Variants in TRIM45 observed in about 807,000 individuals in gnomAD.
The protein encoded by TRIM45 is tripartite motif containing 45.
In TRIM45, 45 loss-of-function variants were observed where a neutral mutation model predicts 46.7. That is an observed-to-expected ratio of 0.96 (90% CI 0.76 to 1.24). The LOEUF (loss-of-function observed/expected upper bound fraction) is 1.24. Ranked by LOEUF, TRIM45 falls within the 50% of genes most tolerant of loss-of-function variation. TRIM45 has a pLI of 0.00. For missense variants in TRIM45, 680 were observed against 728.4 expected, an observed-to-expected ratio of 0.93 and a Z score of 0.77; for synonymous variants, 259 against 285.8, an observed-to-expected ratio of 0.91 and a Z score of 0.94.
upstream of TRIM45, among the ~76,000 whole-genome samples, chr1:117,122,785 T>G (rs1381228906): frequency 1.3e-5 from 2 of 152,170 alleles, no homozygotes; most frequent in African/African-American, 4.8e-5. Flanking sequence ...TTACCAGGCG[T>G]CTCCTGATTC....
Position 117,118,740 on chromosome 1 carries a change from G to A in TRIM45, c.516C>T (p.Thr172=), listed in dbSNP as rs1650510373. ...HRRQKKTTYH[T]MVDLKDLKGY... is the part of the protein sequence containing the mutation. The stretch of plus-strand genomic sequence containing the variant: ...CTTTCAAGTCTTTTAGGTCCACCAT[G>A]GTGTGGTAAGTCGTTTTCTTCTGCC... The change falls in exon 2 of 6, where the codon ACC becomes ACT. Residue 172 remains threonine, a synonymous_variant. Coordinates refer to ENST00000256649, the MANE Select transcript of TRIM45 (RefSeq NM_025188.4). This position sits in a 1 kb window ranked among gnomAD's most constrained non-coding sequence, Gnocchi z 5.7. 5 of 1,613,108 alleles carry A rather than the reference G, an allele frequency of 3.1e-6. No homozygotes were observed. The highest frequency in any genetic ancestry group is 1.3e-5 in the African/African-American group (1 of 75,060).
At chr1:117,119,331 C>T (rs1039437892) in intron 1 of TRIM45, among the ~76,000 whole-genome samples, 1 of 152,146 alleles carries the variant, frequency 6.6e-6, no homozygotes, top group African/African-American at 2.4e-5. Context: ...ACCGGCCGGG[C>T]GCGGTGGCTC....
chr1:117,115,563 C>A lies in TRIM45; in HGVS notation c.1467+12G>T. ...TCCAGGGAGCTCAGGGAAGCACGTGCACCAGTCTTACCTGCACATGCTGTT... is the reference window on the plus strand; with the variant it reads ...TCCAGGGAGCTCAGGGAAGCACGTGAACCAGTCTTACCTGCACATGCTGTT... On this transcript the variant is annotated intron_variant, in intron 4 of 5. Coordinates refer to ENST00000256649, the MANE Select transcript of TRIM45 (RefSeq NM_025188.4). This position sits in a 1 kb window ranked among gnomAD's most constrained non-coding sequence, Gnocchi z 4.2. The A allele has an allele frequency of 6.3e-7, 1 of 1,599,572 alleles. No individual in the cohort carries two copies. Among genetic ancestry groups the A allele is most frequent in the Non-Finnish European group, 8.6e-7 (1 of 1,166,774 alleles).
intron 5 of TRIM45, 63 bp from the exon 6 acceptor site, chr1:117,112,516 T>C (rs1460239660): frequency 6.9e-7 from 1 of 1,453,890 alleles, no homozygotes; most frequent in Non-Finnish European, 9.2e-7. Context: ...GCAGTTACCA[T>C]TATCATGGAA....
intron 5 of TRIM45, among the ~76,000 whole-genome samples, chr1:117,112,952 G>A (rs899781996): frequency 6.6e-6 from 1 of 151,926 alleles, no homozygotes; most frequent in South Asian, 2.1e-4. Flanking sequence ...TCTGTCCCCC[G>A]AAAGACCCAG....
In TRIM45 at chr1:117,121,718, C is replaced by T; in HGVS notation, c.-517G>A. 1.7e-6 allele frequency: 1 copy of T among 586,140 alleles called. No individual in the cohort carries two copies. The highest frequency in any genetic ancestry group is 3.1e-6 in the Non-Finnish European group (1 of 325,396). 36.3% of individuals were successfully genotyped at this position (586,140 alleles called of 1,614,324 possible). A position where few individuals can be genotyped will look rare whatever the true frequency, so the allele number is the denominator to read the frequency against. On this transcript the variant is annotated 5_prime_UTR_variant, in exon 1 of 6. Transcript: ENST00000256649. This position sits in a 1 kb window ranked among gnomAD's most constrained non-coding sequence, Gnocchi z 4.2. ...TTCTCGGTGTCCACCGCCTCTCCCG[C>T]GCCTCGGCCCGGGACGCCCGCGGGC...
In TRIM45 at chr1:117,113,567, GTC is replaced by G; in HGVS notation, c.1468-84_1468-83del. On this transcript the variant is annotated intron_variant, in intron 4 of 5. Coordinates refer to ENST00000256649, the MANE Select transcript of TRIM45 (RefSeq NM_025188.4). The surrounding 1 kb of genome is among the most constrained non-coding windows in gnomAD (Gnocchi z 4.0). ...TGCGCATCACTATGTGCTAAACAGA[GTC>G]TGAGGCACAGGGCCTGTCCTTGGAT... 6.6e-7 allele frequency: 1 copy of G among 1,524,304 alleles called. No homozygotes were observed. The highest frequency in any genetic ancestry group is 8.9e-7 in the Non-Finnish European group (1 of 1,129,022). The allele number at this position is 1,524,304 out of a possible 1,614,324, so 94.4% of individuals were successfully genotyped here.
At chr1:117,120,084 C>G (rs945334257) in intron 1 of TRIM45, among the ~76,000 whole-genome samples, 2 of 152,174 alleles carry the variant, frequency 1.3e-5, no homozygotes, top group African/African-American at 4.8e-5. Context: ...AACACATAGT[C>G]TGCACCCCAA....
At chr1:117,121,814 G>A (rs890531192), upstream of TRIM45, 19 of 709,794 alleles carry the variant, frequency 2.7e-5, no homozygotes, top group African/African-American at 1.9e-4. This position sits in a 1 kb window ranked among gnomAD's most constrained non-coding sequence, Gnocchi z 4.2. Flanking sequence ...GAGAGCGGCG[G>A]CCCTCGCCGC....
In TRIM45 at chr1:117,112,423, TTG is replaced by T; in HGVS notation, c.1623_1624del (p.His541GlnfsTer16). 4 of 1,613,766 alleles carry T rather than the reference TTG, an allele frequency of 2.5e-6. No individual in the cohort carries two copies. Among genetic ancestry groups the T allele is most frequent in the Non-Finnish European group, 3.4e-6 (4 of 1,179,830 alleles). Reference sequence around the variant, plus strand: ...CCAGTGGGGATGACCTGGGTGGCCTTTGTGTCCATGGCCACAGCCTAGGTACC... The same window carrying T: ...CCAGTGGGGATGACCTGGGTGGCCTTTGTCCATGGCCACAGCCTAGGTACC... On this transcript the variant is annotated frameshift_variant, in exon 6 of 6. Transcript: ENST00000256649. LOFTEE classifies it high-confidence loss of function.
Position 117,118,886 on chromosome 1 carries a change from G to T in TRIM45, c.489-119C>A. ...TAAACAAACCTGATTTCAATTCCTT[G>T]CTCTAATCTCTAATTGCATGAACCT... is the stretch of plus-strand genomic sequence containing the variant. On this transcript the variant is annotated intron_variant, in intron 1 of 5. Coordinates refer to ENST00000256649, the MANE Select transcript of TRIM45 (RefSeq NM_025188.4). This position sits in a 1 kb window ranked among gnomAD's most constrained non-coding sequence, Gnocchi z 5.7. The T allele has an allele frequency of 7.6e-7, 1 of 1,315,908 alleles. No homozygotes were observed. Among genetic ancestry groups the T allele is most frequent in the Non-Finnish European group, 1.0e-6 (1 of 962,198 alleles). The allele number at this position is 1,315,908 out of a possible 1,614,324, so 81.5% of individuals were successfully genotyped here.
Position 117,116,762 on chromosome 1 carries a change from C to T in TRIM45, c.1223-17G>A. On this transcript the variant is annotated splice_polypyrimidine_tract_variant and intron_variant, in intron 2 of 5. Transcript: ENST00000256649. This position sits in a 1 kb window ranked among gnomAD's most constrained non-coding sequence, Gnocchi z 4.6. ...TGTGGAGGTCTGAAAAAGATAAACA[C>T]TCGGTCCTCACCTCGAATGTAAACT... is the stretch of plus-strand genomic sequence containing the variant. The T allele has an allele frequency of 6.2e-7, 1 of 1,613,916 alleles. No individual in the cohort carries two copies.
In TRIM45 at chr1:117,120,730, A is replaced by G. The variant is rs778699836; in HGVS notation, c.472T>C (p.Cys158Arg). Residue 158 changes from cysteine (C) to arginine (R), a missense_variant, in exon 1 of 6, where the codon TGC becomes CGC. This residue lies in a region of TRIM45 where 349 missense variants were observed against 343.6 expected (regional missense o/e 1.02). Coordinates refer to ENST00000256649, the MANE Select transcript of TRIM45 (RefSeq NM_025188.4). The stretch of plus-strand genomic sequence containing the variant: ...CATCTTTACCTATGAGCCTGGCAGC[A>G]GAAGTGGCAGAGGTTGGCTTTGCAG... ...QTCKANLCHF[C>R]CQAHRRQKKT... The G allele has an allele frequency of 1.9e-6, 3 of 1,608,172 alleles. No homozygotes were observed. The highest frequency in any genetic ancestry group is 3.3e-5 in the Admixed American group (2 of 59,726).
In TRIM45 at chr1:117,118,084, G is replaced by A. The variant is rs751487663; in HGVS notation, c.1172C>T (p.Thr391Met). The A allele has an allele frequency of 1.4e-5, 22 of 1,614,106 alleles. No individual in the cohort carries two copies. The highest frequency in any genetic ancestry group is 1.7e-5 in the Non-Finnish European group (20 of 1,180,032). ...GQCRGYEIYG[T>M]INTKEVDPAK... ...TGGATCAACCTCTTTGGTATTAATCGTACCATAAATTTCATAGCCACGGCA... is the reference window on the plus strand; with the variant it reads ...TGGATCAACCTCTTTGGTATTAATCATACCATAAATTTCATAGCCACGGCA... Residue 391 changes from threonine to methionine, a missense_variant, in exon 2 of 6, where the codon ACG becomes ATG. Around this residue, in one of 3 missense-constraint regions of TRIM45, gnomAD observed 322 missense variants for 359.3 expected, o/e 0.90. Coordinates refer to ENST00000256649, the MANE Select transcript of TRIM45 (RefSeq NM_025188.4). The surrounding 1 kb of genome is among the most constrained non-coding windows in gnomAD (Gnocchi z 5.7).
rs138968222 is a variant in TRIM45, at chr1:117,118,631, G to C, written c.625C>G (p.Pro209Ala). Reference sequence around the variant, plus strand: ...CCCACCACACAATCCTGGCACACGGGCCGGTCACAGAACTCACAGAACAGC... The same window carrying C: ...CCCACCACACAATCCTGGCACACGGCCCGGTCACAGAACTCACAGAACAGC... ...LRLFCEFCDR[P>A]VCQDCVVGEH... Residue 209 changes from proline (P) to alanine (A), a missense_variant, in exon 2 of 6, where the codon CCC becomes GCC. Pro to Ala is a conservative substitution (Grantham distance 27). Around this residue, in one of 3 missense-constraint regions of TRIM45, gnomAD observed 349 missense variants for 343.6 expected, o/e 1.02. Coordinates refer to ENST00000256649, the MANE Select transcript of TRIM45 (RefSeq NM_025188.4). This position sits in a 1 kb window ranked among gnomAD's most constrained non-coding sequence, Gnocchi z 5.7. 3.2e-5 allele frequency: 52 copies of C among 1,613,972 alleles called. No individual in the cohort carries two copies. In the Middle Eastern group the frequency reaches 6.6e-4, roughly 20 times the overall value.
chr1:117,112,308 G>C lies in TRIM45; in HGVS notation c.1740C>G (p.Leu580=). Residue 580 remains leucine (L), a synonymous_variant, in exon 6 of 6, where the codon CTC becomes CTG. Transcript: ENST00000256649. The stretch of plus-strand genomic sequence containing the variant: ...TAAAAGGCTGAGCACAAACCCATCA[G>C]AGAGCCACAGTCCTAAGTAGACTCC... ...APRSLLRTVA[L] is the part of the protein sequence containing the mutation. The C allele has an allele frequency of 1.9e-6, 3 of 1,597,522 alleles. No individual in the cohort carries two copies. Among genetic ancestry groups the C allele is most frequent in the Non-Finnish European group, 2.6e-6 (3 of 1,172,212 alleles).
Position 117,117,141 on chromosome 1 carries a change from C to G in TRIM45, c.1223-396G>C, listed in dbSNP as rs571497132. Reference sequence around the variant, plus strand: ...CTAGGCAGGGAGTACAGCTGACCAGCCTCACGACCCTCCATGTTTTGAGAT... The same window carrying G: ...CTAGGCAGGGAGTACAGCTGACCAGGCTCACGACCCTCCATGTTTTGAGAT... On this transcript the variant is annotated intron_variant, in intron 2 of 5. Transcript: ENST00000256649. The surrounding 1 kb of genome is among the most constrained non-coding windows in gnomAD (Gnocchi z 4.9). Among the ~76,000 whole-genome samples, 1 of 152,268 alleles carries G rather than the reference C, an allele frequency of 6.6e-6. No homozygotes were observed. The highest frequency in any genetic ancestry group is 2.4e-5 in the African/African-American group (1 of 41,546).
rs775448772 is a variant in TRIM45, at chr1:117,113,473, T to A, written c.1480A>T (p.Thr494Ser). Residue 494 changes from threonine (T) to serine (S), a missense_variant, in exon 5 of 6, where the codon ACT becomes TCT. Transcript: ENST00000256649. The surrounding 1 kb of genome is among the most constrained non-coding windows in gnomAD (Gnocchi z 4.0). ...KEQHVQGSPFTVMVRRKHRPH... is the reference protein window; with the variant it reads ...KEQHVQGSPFSVMVRRKHRPH... ...CGGTGCTTTCTCCTCACCATCACAGTGAATGGCGAGCCCTGCAGTGTTCAG... is the reference window on the plus strand; with the variant it reads ...CGGTGCTTTCTCCTCACCATCACAGAGAATGGCGAGCCCTGCAGTGTTCAG... 6.2e-7 allele frequency: 1 copy of A among 1,612,830 alleles called. No homozygotes were observed. The highest frequency in any genetic ancestry group is 1.1e-5 in the South Asian group (1 of 91,006).
rs753340705 is a variant in TRIM45 at position 117,121,137 on chromosome 1, C to A, written c.65G>T (p.Gly22Val). The change falls in exon 1 of 6, where the codon GGG becomes GTG. Residue 22 changes from glycine (G) to valine (V), a missense_variant. Transcript: ENST00000256649. The surrounding 1 kb of genome is among the most constrained non-coding windows in gnomAD (Gnocchi z 4.2). ...GGGGCAGTGAGTCTTGCCTGAGTTC[C>A]CAAGTGCAGTCCCACTAGTGAGTTT... The part of the protein sequence containing the change: ...VSKLTSGTAL[G>V]NSGKTHCPLC... The A allele has an allele frequency of 6.2e-7, 1 of 1,609,194 alleles. No individual in the cohort carries two copies. Among genetic ancestry groups the A allele is most frequent in the Non-Finnish European group, 8.5e-7 (1 of 1,177,680 alleles).
Sources: allele counts gnomAD v4.1 joint callset (sites outside exome capture counted in the v4.1 genomes callset), GRCh38; gene constraint gnomAD v4.1.1; regional missense constraint gnomAD v4.1.1; non-coding constraint Gnocchi (gnomAD v3.1); transcripts MANE v1.5; gene names NCBI Gene and HGNC (gene_info 2026-07-23, HGNC 2026-07-21).